The following RBM10 variants were observed in gnomAD, a reference collection of about 807,000 sequenced individuals.
The protein encoded by RBM10 is RNA binding motif protein 10, also known as RNA-binding protein 10.
Under a neutral mutation model 84.9 loss-of-function variants are expected in RBM10, and 1 was observed. That is an observed-to-expected ratio of 0.01 (90% CI 0.00 to 0.06). RBM10 has a LOEUF of 0.06. Among genes scored for constraint, RBM10 ranks in the 10% least tolerant of loss-of-function variants. The pLI is 1.00. For missense variants in RBM10, 438 were observed against 839.0 expected, an observed-to-expected ratio of 0.52 and a Z score of 5.90; for synonymous variants, 326 against 344.5, an observed-to-expected ratio of 0.95 and a Z score of 0.60.
chrX:47,181,708 C>A (rs782619774), intron 14 of RBM10, 41 bp from the exon 15 acceptor site: 1 of 1,207,897 alleles, frequency 8.3e-7, no homozygotes, highest in Non-Finnish European at 1.1e-6. Flanking sequence ...GTGGCATGGG[C>A]AGACACTGAG....
chrX:47,157,658 C>A, intron 2 of RBM10: 1 of 524,621 alleles, frequency 1.9e-6, no homozygotes, highest in East Asian at 3.4e-5. Context: ...GAAACCTGTG[C>A]ACCAGCTCCA....
rs782620636 is a variant in RBM10, at chrX:47,186,354, C to T, written c.2634C>T (p.Gly878=). 8.4e-7 allele frequency: 1 copy of T among 1,196,910 alleles called. No homozygotes were observed. The highest frequency in any genetic ancestry group is 1.1e-6 in the Non-Finnish European group (1 of 887,616). ...GCTGGAAAGAGGGCAGCGGCCTGGGCCGCAAGAAGCAGGGCATTGTAACGC... is the reference window on the plus strand; with the variant it reads ...GCTGGAAAGAGGGCAGCGGCCTGGGTCGCAAGAAGCAGGGCATTGTAACGC... ...AMGWKEGSGL[G]RKKQGIVTPI... The change falls in exon 23 of 24, where the codon GGC becomes GGT. Residue 878 remains glycine (G), a synonymous_variant. Coordinates refer to ENST00000377604, the MANE Select transcript of RBM10 (RefSeq NM_005676.5).
intron 4 of RBM10, among the ~76,000 whole-genome samples, chrX:47,171,935 G>A (rs1934708548): frequency 8.9e-6 from 1 of 111,780 alleles, no homozygotes; most frequent in African/African-American, 3.3e-5. Flanking sequence ...GCCCTCCTCT[G>A]AAATCTGCTA....
chrX:47,148,339 C>G (rs912603582), intron 2 of RBM10, among the ~76,000 whole-genome samples: 1 of 111,780 alleles, frequency 8.9e-6, no homozygotes, highest in African/African-American at 3.2e-5. Context: ...ACGGTATTCA[C>G]TAGAAGTGCT....
At chrX:47,155,019 C>T (rs373167711) in intron 2 of RBM10, among the ~76,000 whole-genome samples, 2 of 107,131 alleles carry the variant, frequency 1.9e-5, no homozygotes, top group African/African-American at 6.8e-5. Context: ...TGGTGGCAGG[C>T]ACCTGTAATC....
chrX:47,157,778 GA>G, intron 2 of RBM10: 1 of 367,580 alleles, frequency 2.7e-6, no homozygotes, highest in Non-Finnish European at 4.7e-6. Flanking sequence ...TCAGCTGCAT[GA>G]CTTTTTTTTT....
intron 12 of RBM10, among the ~76,000 whole-genome samples, chrX:47,180,715 C>A (rs1003281709): frequency 2.9e-4 from 32 of 111,814 alleles, no homozygotes; most frequent in African/African-American, 9.1e-4. Flanking sequence ...TTCCCAATTG[C>A]CTCCCATGCG....
chrX:47,162,285 A>G (rs372844831), intron 2 of RBM10, among the ~76,000 whole-genome samples: 4 of 112,189 alleles, frequency 3.6e-5, no homozygotes, highest in African/African-American at 6.5e-5. Context: ...ATTCTCCTCT[A>G]TAAGGATTAT....
At chrX:47,170,944 T>C in intron 3 of RBM10, 84 bp from the exon 4 acceptor site, 1 of 1,005,754 alleles carries the variant, frequency 9.9e-7, no homozygotes, top group Non-Finnish European at 1.4e-6. Flanking sequence ...AGAGCCTGCC[T>C]GCCTCACAGA....
At chrX:47,151,738 T>C (rs1033125906) in intron 2 of RBM10, among the ~76,000 whole-genome samples, 2 of 112,229 alleles carry the variant, frequency 1.8e-5, no homozygotes, top group Non-Finnish European at 3.8e-5. Context: ...GTTGAGACAG[T>C]AGGAAGAAGG....
At chrX:47,157,578 T>TC in intron 2 of RBM10, 1 of 454,768 alleles carries the variant, frequency 2.2e-6, no homozygotes. Flanking sequence ...CTTGGAGCGG[T>TC]CGAGCAGGGT....
At chrX:47,174,921 G>C (rs1602568875) in intron 5 of RBM10, 98 bp from the exon 6 acceptor site, 3 of 556,270 alleles carry the variant, frequency 5.4e-6, no homozygotes, top group Non-Finnish European at 9.0e-6. Context: ...TTCCCTCTCT[G>C]CCCCCCGTCC....
chrX:47,181,477 G>T (rs781883777), intron 13 of RBM10, 30 bp from the exon 14 acceptor site: 2 of 1,211,217 alleles, frequency 1.7e-6, no homozygotes, highest in Non-Finnish European at 2.2e-6. Context: ...TTATTCACAG[G>T]CATTGTCCCT....
chrX:47,164,720 A>G (rs1321276220), intron 2 of RBM10, among the ~76,000 whole-genome samples: 1 of 111,629 alleles, frequency 9.0e-6, no homozygotes, highest in African/African-American at 3.3e-5. Flanking sequence ...CGGTTCCAGA[A>G]AAAGTTAAAC....
chrX:47,172,031 C>G (rs983061789), intron 4 of RBM10, among the ~76,000 whole-genome samples: 1 of 112,581 alleles, frequency 8.9e-6, no homozygotes, highest in Non-Finnish European at 1.9e-5. Context: ...CAGGGTCAGA[C>G]AGTAGCTGGT....
At chrX:47,175,847 A>AC (rs1291218769) in intron 6 of RBM10, among the ~76,000 whole-genome samples, 2 of 109,339 alleles carry the variant, frequency 1.8e-5, no homozygotes, top group African/African-American at 6.7e-5. Context: ...CTGCCTGGTC[A>AC]CCCACCCCTG....
At position 47,181,608 on chromosome X, in the gene RBM10, G is replaced by A. The variant is rs1556779543; in HGVS notation, c.1537G>A (p.Glu513Lys). The change falls in exon 14 of 24, where the codon GAG becomes AAG. Residue 513 changes from glutamate (E) to lysine (K), a missense_variant. Around this residue, in one of 8 missense-constraint regions of RBM10, gnomAD observed 97 missense variants for 110.3 expected, o/e 0.88. Coordinates refer to ENST00000377604, the MANE Select transcript of RBM10 (RefSeq NM_005676.5). ...TCCTGGCATCTACCAACAATCAGCC[G>A]AGGCGAGCAGTAGCCAGGGCACTGC... is the stretch of plus-strand genomic sequence containing the variant. Reference protein sequence around the residue: ...AAPGIYQQSAEASSSQGTAAN... With the variant: ...AAPGIYQQSAKASSSQGTAAN... 4.1e-6 allele frequency: 5 copies of A among 1,206,733 alleles called. No individual in the cohort carries two copies. The highest frequency in any genetic ancestry group is 1.7e-5 in the African/African-American group (1 of 57,776).
chrX:47,186,492 G>A lies in RBM10; in HGVS notation c.2686G>A (p.Gly896Ser). 2 of 1,208,466 alleles carry A rather than the reference G, an allele frequency of 1.7e-6. No homozygotes were observed. The highest frequency in any genetic ancestry group is 2.2e-6 in the Non-Finnish European group (2 of 893,619). Reference sequence around the variant, plus strand: ...CACACAGGCCCAAACACGGGTGCGGGGCTCCGGCCTGGGTGCACGGGGCAG... The same window carrying A: ...CACACAGGCCCAAACACGGGTGCGGAGCTCCGGCCTGGGTGCACGGGGCAG... The part of the protein sequence containing the change: ...TPIEAQTRVR[G>S]SGLGARGSSY... The change falls in exon 24 of 24, where the codon GGC becomes AGC. Residue 896 changes from glycine to serine, a missense_variant. Physicochemically the swap from Gly to Ser is moderately conservative, Grantham distance 56. Around this residue, in one of 8 missense-constraint regions of RBM10, gnomAD observed 92 missense variants for 199.9 expected, o/e 0.46. Coordinates refer to ENST00000377604, the MANE Select transcript of RBM10 (RefSeq NM_005676.5).
chrX:47,180,102 G>T, intron 10 of RBM10, 62 bp downstream of exon 10: 1 of 1,199,490 alleles, frequency 8.3e-7, no homozygotes, highest in South Asian at 1.8e-5. Context: ...TGGAGACGAG[G>T]GTCCTTTTCC....
Sources: allele counts gnomAD v4.1 joint callset (sites outside exome capture counted in the v4.1 genomes callset), GRCh38; gene constraint gnomAD v4.1.1; regional missense constraint gnomAD v4.1.1; transcripts MANE v1.5; gene names NCBI Gene and HGNC (gene_info 2026-07-23, HGNC 2026-07-21).